Variants in TTLL5 observed in about 807,000 individuals in gnomAD.
TTLL5 encodes the protein tubulin polyglutamylase TTLL5.
In TTLL5, 132 loss-of-function variants were observed where a neutral mutation model predicts 168.4. The observed-to-expected ratio is 0.78, with a 90% CI of 0.68 to 0.91. The LOEUF (loss-of-function observed/expected upper bound fraction) is 0.91. Among genes scored for constraint, TTLL5 ranks in the 40% least tolerant of loss-of-function variants. The probability of loss-of-function intolerance (pLI) is 0.00; values close to 1 mark genes in which losing one functional copy is unlikely to be tolerated. For synonymous variants in TTLL5, 546 were observed against 558.6 expected (o/e 0.98, Z 0.32); for missense variants, 1,545 against 1,581.5 (o/e 0.98, Z 0.39).
At chr14:75,727,171 G>A (rs1016275878) in intron 12 of TTLL5, among the ~76,000 whole-genome samples, 6 of 152,180 alleles carry the variant, frequency 3.9e-5, no homozygotes, top group African/African-American at 1.4e-4. Context: ...ATATGACCCA[G>A]TAGTCCCACT....
At chr14:75,894,990 T>C (rs1438601702) in intron 30 of TTLL5, among the ~76,000 whole-genome samples, 1 of 152,224 alleles carries the variant, frequency 6.6e-6, no homozygotes, top group Non-Finnish European at 1.5e-5. Flanking sequence ...TGAATATACT[T>C]CTGTCAGTAA....
At chr14:75,796,461 C>T (rs980674755) in intron 27 of TTLL5, among the ~76,000 whole-genome samples, 1 of 152,018 alleles carries the variant, frequency 6.6e-6, no homozygotes, top group African/African-American at 2.4e-5. Context: ...GTTTTTGTTG[C>T]ATTTGCTTTT....
rs1467031622 is a variant in TTLL5 at position 75,663,162 on chromosome 14, A to G, written c.13A>G (p.Met5Val). MPIV[M>V]ARDLEETASS... ...AACCCTAAAGGAAATGCCAATCGTG[A>G]TGGCCCGGGACCTGGAGGAAACAGC... The change falls in exon 2 of 32, where the codon ATG becomes GTG. Residue 5 changes from methionine to valine, a missense_variant. Physicochemically the swap from Met to Val is conservative, Grantham distance 21. Transcript: ENST00000298832. 1.9e-6 allele frequency: 3 copies of G among 1,613,600 alleles called. No homozygotes were observed. The highest frequency in any genetic ancestry group is 2.5e-6 in the Non-Finnish European group (3 of 1,179,944).
At chr14:75,777,191 C>T (rs756092816) in intron 23 of TTLL5, among the ~76,000 whole-genome samples, 18 of 152,324 alleles carry the variant, frequency 1.2e-4, no homozygotes, top group Middle Eastern at 6.8e-3. Context: ...GTTATCAAAA[C>T]ATTACTGCTG....
intron 7 of TTLL5, among the ~76,000 whole-genome samples, chr14:75,701,580 A>G (rs1307196237): frequency 2.6e-5 from 4 of 152,200 alleles, no homozygotes; most frequent in South Asian, 4.1e-4. Context: ...TTGTGAATGC[A>G]GAGGAGGATT....
intron 29 of TTLL5, among the ~76,000 whole-genome samples, chr14:75,869,035 T>TGA (rs1479972317): frequency 6.6e-6 from 1 of 150,854 alleles, no homozygotes; most frequent in African/African-American, 2.4e-5. Flanking sequence ...TGTGTGTGTG[T>TGA]GTGTGTGTGT....
intron 15 of TTLL5, chr14:75,737,612 G>T (rs915917112): frequency 3.9e-6 from 6 of 1,535,072 alleles, no homozygotes; most frequent in Non-Finnish European, 5.2e-6. Context: ...AAGCAGGTAA[G>T]TTCTAGATCT....
At chr14:75,773,512 A>G (rs1219751171) in intron 21 of TTLL5, among the ~76,000 whole-genome samples, 2 of 152,206 alleles carry the variant, frequency 1.3e-5, no homozygotes, top group Non-Finnish European at 2.9e-5. Context: ...TGGAATTCAC[A>G]CAGTATTTCT....
At chr14:75,857,928 G>A (rs1344870421) in intron 28 of TTLL5, among the ~76,000 whole-genome samples, 1 of 152,056 alleles carries the variant, frequency 6.6e-6, no homozygotes, top group Non-Finnish European at 1.5e-5. Flanking sequence ...TAGGATTACA[G>A]GAGTGAGCCA....
At chr14:75,665,341 G>C (rs772866763) in intron 2 of TTLL5, among the ~76,000 whole-genome samples, 2 of 152,164 alleles carry the variant, frequency 1.3e-5, no homozygotes, top group Non-Finnish European at 2.9e-5. Context: ...TGGGAGGGTG[G>C]CCTTTGATTA....
intron 31 of TTLL5, among the ~76,000 whole-genome samples, chr14:75,944,484 A>G (rs1216260832): frequency 6.6e-6 from 1 of 152,188 alleles, no homozygotes; most frequent in Non-Finnish European, 1.5e-5. Context: ...AGCTAGCAAC[A>G]GGCCAAAACC....
intron 31 of TTLL5, among the ~76,000 whole-genome samples, chr14:75,903,481 A>G (rs1167472211): frequency 6.6e-6 from 1 of 152,038 alleles, no homozygotes; most frequent in Non-Finnish European, 1.5e-5. Context: ...CCATTTTATG[A>G]GCCATGTAGG....
chr14:75,929,493 C>T (rs2034201966), intron 31 of TTLL5, among the ~76,000 whole-genome samples: 1 of 138,884 alleles, frequency 7.2e-6, no homozygotes. Context: ...GCTCTGTCGC[C>T]CAGGCTGGAG....
At chr14:75,754,271 T>C (rs1026319257) in intron 18 of TTLL5, among the ~76,000 whole-genome samples, 1 of 152,254 alleles carries the variant, frequency 6.6e-6, no homozygotes, top group East Asian at 1.9e-4. Context: ...ATCTCTATTT[T>C]AGATTGTTTA....
At chr14:75,871,118 A>C (rs185308750) in intron 29 of TTLL5, among the ~76,000 whole-genome samples, 1 of 152,264 alleles carries the variant, frequency 6.6e-6, no homozygotes, top group Admixed American at 6.5e-5. Context: ...TCAATATCAT[A>C]TAAGTCTGAT....
intron 29 of TTLL5, among the ~76,000 whole-genome samples, chr14:75,875,763 A>G (rs2031436114): frequency 6.6e-6 from 1 of 152,192 alleles, no homozygotes; most frequent in Non-Finnish European, 1.5e-5. Context: ...CAGGCTCCAA[A>G]ACATCAGGTG....
At chr14:75,870,797 GT>G (rs551516323) in intron 29 of TTLL5, among the ~76,000 whole-genome samples, 121 of 138,956 alleles carry the variant, frequency 8.7e-4, no homozygotes, top group Middle Eastern at 3.7e-3. Context: ...GCTTGCTTTG[GT>G]TTTTTTTTTT....
intron 28 of TTLL5, among the ~76,000 whole-genome samples, chr14:75,831,654 G>A (rs943305887): frequency 3.9e-5 from 6 of 152,312 alleles, no homozygotes; most frequent in African/African-American, 1.4e-4. Flanking sequence ...GGGGGAGTGG[G>A]TGGGGTCCTG....
intron 31 of TTLL5, among the ~76,000 whole-genome samples, chr14:75,936,448 GTC>G (rs1260451625): frequency 6.6e-6 from 1 of 151,874 alleles, no homozygotes; most frequent in East Asian, 1.9e-4. Context: ...CTTTCCATCC[GTC>G]TCTCTTCCTC....
Sources: allele counts gnomAD v4.1 joint callset (sites outside exome capture counted in the v4.1 genomes callset), GRCh38; gene constraint gnomAD v4.1.1; transcripts MANE v1.5; gene names NCBI Gene and HGNC (gene_info 2026-07-23, HGNC 2026-07-21).